The following CPQ variants were observed in gnomAD, a reference collection of about 807,000 sequenced individuals.
CPQ encodes the protein Ser-Met dipeptidase.
A neutral mutation model predicts 45.7 loss-of-function variants in CPQ; 37 were observed. The ratio of observed to expected loss-of-function variants is 0.81; its 90% CI spans 0.62 to 1.07. The LOEUF is 1.07. Among genes scored for constraint, CPQ ranks in the 50% least tolerant of loss-of-function variants. The pLI is 0.00. For missense variants in CPQ, 537 were observed against 572.9 expected, an observed-to-expected ratio of 0.94 and a Z score of 0.64; for synonymous variants, 186 against 205.8, an observed-to-expected ratio of 0.90 and a Z score of 0.82.
intron 6 of CPQ, among the ~76,000 whole-genome samples, chr8:97,046,746 A>C (rs1586513396): frequency 6.6e-6 from 1 of 152,206 alleles, no homozygotes; most frequent in African/African-American, 2.4e-5. Flanking sequence ...AACGTACAGC[A>C]TCCACCTGCC....
At chr8:96,876,421 A>C (rs886979526) in intron 3 of CPQ, among the ~76,000 whole-genome samples, 2 of 152,118 alleles carry the variant, frequency 1.3e-5, no homozygotes, top group African/African-American at 4.8e-5. Context: ...GAATTTAAAA[A>C]ATTTTTTTAT....
chr8:97,121,730 G>A (rs917808999), intron 7 of CPQ, among the ~76,000 whole-genome samples: 12 of 151,928 alleles, frequency 7.9e-5, no homozygotes, highest in East Asian at 1.9e-4. Context: ...TTGTAGACAG[G>A]CACTATAAGC....
At chr8:96,715,003 T>C (rs562891378) in intron 1 of CPQ, among the ~76,000 whole-genome samples, 1 of 152,318 alleles carries the variant, frequency 6.6e-6, no homozygotes, top group South Asian at 2.1e-4. Context: ...CATAGTCTCT[T>C]GTGGGGTTGA....
intron 2 of CPQ, among the ~76,000 whole-genome samples, chr8:96,792,016 A>G (rs1810852411): frequency 6.6e-6 from 1 of 152,112 alleles, no homozygotes; most frequent in Admixed American, 6.6e-5. Flanking sequence ...TCTTTGTTTA[A>G]CCAGATTTTT....
intron 2 of CPQ, among the ~76,000 whole-genome samples, chr8:96,830,513 G>A (rs977566775): frequency 3.9e-5 from 6 of 152,092 alleles, no homozygotes; most frequent in Non-Finnish European, 7.4e-5. Context: ...AAAATTAGGT[G>A]TGGAAGATAG....
intron 4 of CPQ, among the ~76,000 whole-genome samples, chr8:96,928,329 A>G (rs1438599120): frequency 6.6e-6 from 1 of 151,368 alleles, no homozygotes; most frequent in Non-Finnish European, 1.5e-5. Flanking sequence ...ACGTCAGGAA[A>G]TTCATTATTA....
At position 96,762,434 on chromosome 8, in the gene CPQ, A is replaced by G. The variant is rs111758925; in HGVS notation, c.-34-22430A>G. ...AATATAAGAAAGCATATATCATATTATGTAACACATAGTAGCCTCTCAATA... is the reference window on the plus strand; with the variant it reads ...AATATAAGAAAGCATATATCATATTGTGTAACACATAGTAGCCTCTCAATA... On this transcript the variant is annotated intron_variant, in intron 1 of 7. Coordinates refer to ENST00000220763, the MANE Select transcript of CPQ (RefSeq NM_016134.4). 5.6e-3 allele frequency among the ~76,000 whole-genome samples: 857 copies of G among 152,322 alleles called. 13 individuals are homozygous for G. The highest frequency in any genetic ancestry group is 0.02 in the African/African-American group (819 of 41,574).
chr8:96,690,678 A>G (rs1328600888), intron 1 of CPQ, among the ~76,000 whole-genome samples: 1 of 152,200 alleles, frequency 6.6e-6, no homozygotes, highest in African/African-American at 2.4e-5. Flanking sequence ...GCTGTGATAC[A>G]AAGTTTACAT....
At chr8:96,871,593 CT>C (rs1812068905) in intron 3 of CPQ, among the ~76,000 whole-genome samples, 1 of 100,574 alleles carries the variant, frequency 9.9e-6, no homozygotes, top group African/African-American at 3.9e-5. Context: ...GAATTTAAGT[CT>C]GTTTATTGGT....
chr8:96,780,677 C>CTTTCT (rs764714024), intron 1 of CPQ, among the ~76,000 whole-genome samples: 23 of 150,258 alleles, frequency 1.5e-4, no homozygotes, highest in Non-Finnish European at 2.5e-4. Flanking sequence ...TCCTTCCTTC[C>CTTTCT]TTTCTTTTCT....
At chr8:96,853,050 T>G (rs1017386972) in intron 3 of CPQ, among the ~76,000 whole-genome samples, 4 of 152,210 alleles carry the variant, frequency 2.6e-5, no homozygotes, top group Non-Finnish European at 5.9e-5. Context: ...ATTGTGTAAT[T>G]CCAGTTGTTT....
chr8:97,025,655 C>G lies in CPQ; in HGVS notation c.962-3748C>G, dbSNP rs372637373. Reference sequence around the variant, plus strand: ...AGGCTTACAGCAGAGCTTCCACTTACCCCAAATCTGCCACAGAATTAATTC... The same window carrying G: ...AGGCTTACAGCAGAGCTTCCACTTAGCCCAAATCTGCCACAGAATTAATTC... On this transcript the variant is annotated intron_variant, in intron 5 of 7. Transcript: ENST00000220763. 3.9e-5 allele frequency among the ~76,000 whole-genome samples: 6 copies of G among 152,308 alleles called. 1 individual carries two copies. In the South Asian group the frequency reaches 8.3e-4, roughly 21 times the overall value.
At chr8:96,726,809 C>A (rs1462332078) in intron 1 of CPQ, among the ~76,000 whole-genome samples, 2 of 152,128 alleles carry the variant, frequency 1.3e-5, no homozygotes, top group East Asian at 3.9e-4. Flanking sequence ...GAGACCTGAG[C>A]AAACACTTTT....
intron 5 of CPQ, among the ~76,000 whole-genome samples, chr8:97,011,361 T>TTTTTTCCA: frequency 6.6e-6 from 1 of 152,330 alleles, no homozygotes; most frequent in South Asian, 2.1e-4. Flanking sequence ...TAAAATTGGA[T>TTTTTTCCA]AGTTTTAGAT....
At chr8:96,856,943 C>G (rs908610105) in intron 3 of CPQ, among the ~76,000 whole-genome samples, 2 of 152,194 alleles carry the variant, frequency 1.3e-5, no homozygotes, top group Admixed American at 6.5e-5. Flanking sequence ...GTGGGCTTGT[C>G]AAGCCTGGAA....
intron 5 of CPQ, among the ~76,000 whole-genome samples, chr8:97,001,725 T>C (rs1025041604): frequency 8.4e-5 from 12 of 142,118 alleles, no homozygotes; most frequent in South Asian, 4.5e-4. Context: ...TTCTTTCTTT[T>C]TTTTTTTTTT....
chr8:96,925,918 G>A (rs1812868212), intron 4 of CPQ, among the ~76,000 whole-genome samples: 1 of 147,814 alleles, frequency 6.8e-6, no homozygotes, highest in African/African-American at 2.5e-5. Flanking sequence ...TCAATCTCCT[G>A]ACCTCGTGAT....
chr8:96,702,730 G>T (rs1270614908), intron 1 of CPQ, among the ~76,000 whole-genome samples: 2 of 152,102 alleles, frequency 1.3e-5, no homozygotes, highest in Non-Finnish European at 2.9e-5. Context: ...TCAAATGCAG[G>T]ATTTATATTT....
chr8:96,833,577 A>G (rs549187282), intron 2 of CPQ, among the ~76,000 whole-genome samples: 122 of 152,312 alleles, frequency 8.0e-4, no homozygotes, highest in African/African-American at 2.7e-3. Context: ...AGGTAACTCC[A>G]GGTTTCAGAA....
Sources: allele counts gnomAD v4.1 joint callset (sites outside exome capture counted in the v4.1 genomes callset), GRCh38; gene constraint gnomAD v4.1.1; transcripts MANE v1.5; gene names NCBI Gene and HGNC (gene_info 2026-07-23, HGNC 2026-07-21).